Variants in PLSCR1 observed in about 807,000 individuals in gnomAD.
The protein encoded by PLSCR1 is phospholipid scramblase 1, also known as PL scramblase 1.
PLSCR1 carries 17 observed loss-of-function variants against 37.8 expected under a neutral mutation model. The ratio of observed to expected loss-of-function variants is 0.45; its 90% CI spans 0.31 to 0.68. The LOEUF is 0.68. PLSCR1 is among the 30% of genes least tolerant of loss of function. The pLI is 0.06. For synonymous variants in PLSCR1, 116 were observed against 125.9 expected (o/e 0.92, Z 0.53); for missense variants, 347 against 380.9 (o/e 0.91, Z 0.74).
intron 1 of PLSCR1, among the ~76,000 whole-genome samples, chr3:146,539,480 G>T (rs1026364170): frequency 2.0e-5 from 3 of 152,188 alleles, no homozygotes; most frequent in African/African-American, 4.8e-5. Flanking sequence ...TTAAGAATAG[G>T]TGGAGGATCT....
intron 4 of PLSCR1, 27 bp from the exon 5 acceptor site, chr3:146,525,674 A>G (rs375510830): frequency 1.9e-5 from 23 of 1,201,682 alleles, no homozygotes; most frequent in Non-Finnish European, 2.7e-5. Flanking sequence ...AATAAGTGGT[A>G]TGTATATGTC....
chr3:146,539,221 G>A (rs1031743853), intron 1 of PLSCR1, among the ~76,000 whole-genome samples: 2 of 152,194 alleles, frequency 1.3e-5, no homozygotes, highest in Non-Finnish European at 2.9e-5. Flanking sequence ...CATAAGGAGT[G>A]CGCAACCTAG....
intron 4 of PLSCR1, among the ~76,000 whole-genome samples, chr3:146,526,676 T>C (rs79960678): frequency 0.028 from 4,195 of 152,228 alleles, 225 homozygotes; most frequent in African/African-American, 0.097. Context: ...TCATTCTTAA[T>C]ACACACAATG....
intron 1 of PLSCR1, chr3:146,537,846 G>A (rs1349903796): frequency 2.0e-5 from 3 of 151,980 alleles, no homozygotes; most frequent in Admixed American, 2.0e-4. Context: ...TTCCAGCCTG[G>A]GTGACAGAGC....
intron 3 of PLSCR1, among the ~76,000 whole-genome samples, chr3:146,529,173 C>A (rs1463944941): frequency 3.3e-5 from 5 of 152,168 alleles, no homozygotes; most frequent in African/African-American, 2.4e-5. Context: ...ACAAACACGT[C>A]ATTGGTAGAA....
chr3:146,520,423 C>A (rs11921551), intron 7 of PLSCR1, among the ~76,000 whole-genome samples: 23,092 of 152,116 alleles, frequency 0.15, 1,794 homozygotes, highest in Middle Eastern at 0.18. Context: ...GAGATTCCAT[C>A]CCTTACATGA....
intron 5 of PLSCR1, 75 bp from the exon 6 acceptor site, chr3:146,522,128 T>C: frequency 2.3e-6 from 2 of 864,742 alleles, no homozygotes; most frequent in Non-Finnish European, 3.8e-6. Flanking sequence ...TTATAATATC[T>C]AGCTATGCCA....
intron 5 of PLSCR1, among the ~76,000 whole-genome samples, chr3:146,522,495 T>C (rs1326927195): frequency 6.6e-6 from 1 of 151,996 alleles, no homozygotes; most frequent in Admixed American, 6.6e-5. Flanking sequence ...GAAGGCAGCA[T>C]GCTTGTTAAG....
At chr3:146,518,879 A>T (rs1240423385) in intron 7 of PLSCR1, among the ~76,000 whole-genome samples, 66 of 152,208 alleles carry the variant, frequency 4.3e-4, no homozygotes, top group Non-Finnish European at 7.4e-5. Context: ...GTATAATGTT[A>T]AACTTTCAAA....
chr3:146,517,791 T>C (rs1054214511), intron 7 of PLSCR1, among the ~76,000 whole-genome samples: 12 of 152,148 alleles, frequency 7.9e-5, no homozygotes, highest in African/African-American at 2.7e-4. Flanking sequence ...AGCTCCGAAG[T>C]AGAAGTTTCC....
At chr3:146,535,414 C>T (rs1420725806) in intron 2 of PLSCR1, among the ~76,000 whole-genome samples, 2 of 151,986 alleles carry the variant, frequency 1.3e-5, no homozygotes. Flanking sequence ...GAACAAAGAG[C>T]ATGTTAATTA....
Position 146,521,994 on chromosome 3 carries a change from C to A in PLSCR1, c.415G>T (p.Val139Phe), listed in dbSNP as rs189471842. The change falls in exon 6 of 9, where the codon GTT (valine) becomes TTT (phenylalanine). Residue 139 changes from valine to phenylalanine, a missense_variant. Coordinates refer to ENST00000342435, the MANE Select transcript of PLSCR1 (RefSeq NM_021105.3). ...TCAGTATCTTCCGCTGCAAAGTAAACCCTCTGTCCAAAGCTGTTCTTAATT... is the reference window on the plus strand; with the variant it reads ...TCAGTATCTTCCGCTGCAAAGTAAAACCTCTGTCCAAAGCTGTTCTTAATT... ...YEIKNSFGQRVYFAAEDTDCC... is the reference protein window; with the variant it reads ...YEIKNSFGQRFYFAAEDTDCC... The A allele has an allele frequency of 6.8e-6, 11 of 1,613,384 alleles. No individual in the cohort carries two copies. The Admixed American group carries it at 1.2e-4, about 17-fold the overall frequency.
intron 2 of PLSCR1, among the ~76,000 whole-genome samples, chr3:146,533,953 A>C (rs1005995879): frequency 6.6e-6 from 1 of 152,206 alleles, no homozygotes; most frequent in South Asian, 2.1e-4. Context: ...AAAGATATCT[A>C]TCATCATTGC....
At chr3:146,535,311 T>A (rs1477137286) in intron 2 of PLSCR1, among the ~76,000 whole-genome samples, 1 of 152,034 alleles carries the variant, frequency 6.6e-6, no homozygotes, top group Non-Finnish European at 1.5e-5. Flanking sequence ...TCACAATCTC[T>A]GGGCTTTTGG....
At position 146,521,956 on chromosome 3, in the gene PLSCR1, T is replaced by C. The variant is rs2044029029; in HGVS notation, c.453A>G (p.Arg151=). ...AAGGTCTAGATGGCCCACAGCAATT[T>C]CGGGTACAGCAATCAGTATCTTCCG... is the stretch of plus-strand genomic sequence containing the variant. The part of the protein sequence containing the change: ...FAAEDTDCCT[R]NCCGPSRPFT... The change falls in exon 6 of 9, where the codon CGA becomes CGG. Residue 151 remains arginine, a synonymous_variant. Transcript: ENST00000342435. 1 of 1,612,926 alleles carries C rather than the reference T, an allele frequency of 6.2e-7. No individual in the cohort carries two copies. Among genetic ancestry groups the C allele is most frequent in the African/African-American group, 1.3e-5 (1 of 74,890 alleles).
chr3:146,525,665 A>G lies in PLSCR1; in HGVS notation c.313-18T>C, dbSNP rs200086236. The G allele has an allele frequency of 4.1e-5, 55 of 1,336,398 alleles. No individual in the cohort carries two copies. The South Asian group carries it at 5.1e-4, about 12-fold the overall frequency. 82.8% of individuals were successfully genotyped at this position (1,336,398 alleles called of 1,614,324 possible). ...TGATCTATCTATAGCAGGAAAAAAA[A>G]TAAGTGGTATGTATATGTCAAATGA... On this transcript the variant is annotated intron_variant, in intron 4 of 8. Coordinates refer to ENST00000342435, the MANE Select transcript of PLSCR1 (RefSeq NM_021105.3).
At chr3:146,524,430 GAAAC>G (rs930941894) in intron 5 of PLSCR1, among the ~76,000 whole-genome samples, 3 of 147,702 alleles carry the variant, frequency 2.0e-5, no homozygotes, top group Non-Finnish European at 4.5e-5. Context: ...TGGAGAAAAA[GAAAC>G]AAAAAAAAAA....
chr3:146,525,965 C>A (rs2044102990), intron 4 of PLSCR1, among the ~76,000 whole-genome samples: 1 of 151,484 alleles, frequency 6.6e-6, no homozygotes, highest in Admixed American at 6.6e-5. Flanking sequence ...GGGCAGATCA[C>A]GAGGTCAGGA....
intron 7 of PLSCR1, among the ~76,000 whole-genome samples, chr3:146,517,555 A>G (rs949229866): frequency 2.6e-5 from 4 of 152,164 alleles, no homozygotes; most frequent in African/African-American, 9.7e-5. Context: ...GCTTTAGGAG[A>G]AGCACAGTTT....
Sources: gnomAD v4.1 joint callset for allele counts (sites outside exome capture counted in the v4.1 genomes callset) on GRCh38, gnomAD v4.1.1 for gene constraint, MANE v1.5 for transcripts, NCBI Gene and HGNC (gene_info 2026-07-23, HGNC 2026-07-21) for gene names.